TNFRSF10A: variants seen among roughly 807,000 people sequenced by gnomAD.
TNFRSF10A encodes the protein TNF receptor superfamily member 10a, also known as tumor necrosis factor receptor superfamily member 10A.
Under a neutral mutation model 42.8 loss-of-function variants are expected in TNFRSF10A, and 44 were observed. That is an observed-to-expected ratio of 1.03 (90% CI 0.81 to 1.32). The LOEUF (loss-of-function observed/expected upper bound fraction) is 1.32. Ranked by LOEUF, TNFRSF10A falls within the 40% of genes most tolerant of loss-of-function variation. The pLI, the probability that TNFRSF10A is intolerant of heterozygous loss-of-function variation, is 0.00. For missense variants in TNFRSF10A, 680 were observed against 602.0 expected (o/e 1.13, Z -1.36); for synonymous variants, 259 against 234.2 (o/e 1.11, Z -0.97).
chr8:23,196,360 A>G (rs1439537807), intron 9 of TNFRSF10A, among the ~76,000 whole-genome samples: 1 of 151,212 alleles, frequency 6.6e-6, no homozygotes, highest in Non-Finnish European at 1.5e-5. Context: ...CGCCTGGCTA[A>G]TTTTTTTTTG....
intron 1 of TNFRSF10A, 115 bp from the exon 2 acceptor site, chr8:23,212,327 C>T (rs1801103679): frequency 1.2e-6 from 1 of 867,294 alleles, no homozygotes; most frequent in Admixed American, 2.0e-5. Flanking sequence ...TTGCATCTTT[C>T]TCCCAGTTCT....
At chr8:23,195,925 G>A (rs1396687255) in intron 9 of TNFRSF10A, among the ~76,000 whole-genome samples, 1 of 152,116 alleles carries the variant, frequency 6.6e-6, no homozygotes, top group Non-Finnish European at 1.5e-5. Flanking sequence ...AATAGAAAGG[G>A]AGAACTGAAA....
chr8:23,194,036 G>A (rs998392062), intron 9 of TNFRSF10A, among the ~76,000 whole-genome samples: 2 of 152,126 alleles, frequency 1.3e-5, no homozygotes, highest in Non-Finnish European at 2.9e-5. Flanking sequence ...AAATCAAACT[G>A]CCATGGAAAC....
intron 1 of TNFRSF10A, among the ~76,000 whole-genome samples, chr8:23,215,402 A>G (rs4872084): frequency 0.71 from 107,177 of 151,788 alleles, 38,215 homozygotes; most frequent in East Asian, 1. Context: ...CAGCTACTCC[A>G]GAGGCTGAGG....
chr8:23,209,417 A>T (rs1394962115), intron 2 of TNFRSF10A, among the ~76,000 whole-genome samples: 3 of 152,190 alleles, frequency 2.0e-5, no homozygotes, highest in Non-Finnish European at 4.4e-5. Flanking sequence ...AACTGCTGAT[A>T]ACTTATACAC....
intron 4 of TNFRSF10A, 23 bp from the exon 5 acceptor site, chr8:23,200,783 G>GGA: frequency 6.4e-7 from 1 of 1,558,670 alleles, no homozygotes; most frequent in Middle Eastern, 1.8e-4. Flanking sequence ...AGGGAGGGAG[G>GGA]GGGGGGACTC....
rs149728406 is a variant in TNFRSF10A, at chr8:23,191,916, A to G, written c.1185T>C (p.Asp395=). ...RQLDLTKNEI[D]VVRAGTAGPG... ...GGCCTGCTGTACCAGCTCTGACCAC[A>G]TCGATCTCATTTTTCGTGAGGTCCA... Residue 395 remains aspartate, a synonymous_variant, in exon 10 of 10, where the codon GAT becomes GAC. Coordinates refer to ENST00000221132, the MANE Select transcript of TNFRSF10A (RefSeq NM_003844.4). The G allele has an allele frequency of 1.9e-4, 307 of 1,614,036 alleles. No individual in the cohort carries two copies. Among genetic ancestry groups the G allele is most frequent in the Non-Finnish European group, 3.7e-5 (44 of 1,180,030 alleles).
At position 23,199,371 on chromosome 8, in the gene TNFRSF10A, T is replaced by G. The variant is rs1800872728; in HGVS notation, c.909A>C (p.Ala303=). 1 of 1,614,090 alleles carries G rather than the reference T, an allele frequency of 6.2e-7. No homozygotes were observed. Among genetic ancestry groups the G allele is most frequent in the African/African-American group, 1.3e-5 (1 of 74,928 alleles). Residue 303 remains alanine (A), a synonymous_variant, in exon 8 of 10, where the codon GCA becomes GCC. Transcript: ENST00000221132. ...DNAHNEILSN[A]DSLSTFVSEQ... The stretch of plus-strand genomic sequence containing the variant: ...CAGAGACGAAAGTGGACAGCGAGTC[T>G]GCGTTGCTCAGAATCTCGTTGTGAG...
At chr8:23,215,254 C>T (rs1237417900) in intron 1 of TNFRSF10A, among the ~76,000 whole-genome samples, 2 of 152,158 alleles carry the variant, frequency 1.3e-5, no homozygotes, top group Admixed American at 6.5e-5. Flanking sequence ...CCGTGGCTCA[C>T]GCCTGTAATC....
At chr8:23,198,755 A>G (rs953115505) in intron 8 of TNFRSF10A, among the ~76,000 whole-genome samples, 3 of 152,148 alleles carry the variant, frequency 2.0e-5, no homozygotes, top group Admixed American at 6.6e-5. Context: ...ATGTGTGTAC[A>G]TGCATGTGTG....
intron 2 of TNFRSF10A, chr8:23,206,987 C>T: frequency 2.8e-6 from 1 of 361,520 alleles, no homozygotes; most frequent in South Asian, 2.8e-5. Context: ...GTTTTGAAGG[C>T]CAAGAAGGCA....
chr8:23,214,452 C>T (rs1801146803), intron 1 of TNFRSF10A, among the ~76,000 whole-genome samples: 1 of 151,064 alleles, frequency 6.6e-6, no homozygotes, highest in Admixed American at 6.6e-5. Context: ...TGTGCCACTG[C>T]ACTCCAGCCT....
rs574074549 is a variant in TNFRSF10A, at chr8:23,200,677, G to T, written c.703+10C>A. On this transcript the variant is annotated intron_variant, in intron 5 of 9. Coordinates refer to ENST00000221132, the MANE Select transcript of TNFRSF10A (RefSeq NM_003844.4). ...CTCTGCAGCTGGGGCTTCCCCAGTGGGCTTTGTACCTGATTCTTTGTGGAC... is the reference window on the plus strand; with the variant it reads ...CTCTGCAGCTGGGGCTTCCCCAGTGTGCTTTGTACCTGATTCTTTGTGGAC... 17 of 1,614,160 alleles carry T rather than the reference G, an allele frequency of 1.1e-5. No homozygotes were observed. The highest frequency in any genetic ancestry group is 5.0e-5 in the Admixed American group (3 of 60,018).
intron 1 of TNFRSF10A, among the ~76,000 whole-genome samples, chr8:23,221,864 G>T (rs1801260994): frequency 1.3e-5 from 2 of 151,384 alleles, no homozygotes; most frequent in Admixed American, 6.6e-5. Context: ...AGGGACACGG[G>T]CACGCTTGTG....
rs776497469 is a variant in TNFRSF10A at position 23,191,768 on chromosome 8, G to T, written c.1333C>A (p.Gln445Lys). 2.5e-6 allele frequency: 4 copies of T among 1,614,052 alleles called. No homozygotes were observed. The highest frequency in any genetic ancestry group is 3.4e-6 in the Non-Finnish European group (4 of 1,180,034). The change falls in exon 10 of 10, where the codon CAG becomes AAG. Residue 445 changes from glutamine to lysine, a missense_variant. Gln to Lys is a moderately conservative substitution (Grantham distance 53, BLOSUM62 1). Coordinates refer to ENST00000221132, the MANE Select transcript of TNFRSF10A (RefSeq NM_003844.4). ...MEERHAREKI[Q>K]DLLVDSGKFI... ...TTTCCAGAGTCCACCAAGAGGTCCTGAATCTTCTCTCTTGCATGTCTCTCT... is the reference window on the plus strand; with the variant it reads ...TTTCCAGAGTCCACCAAGAGGTCCTTAATCTTCTCTCTTGCATGTCTCTCT...
At chr8:23,204,972 G>T (rs1267323658) in intron 2 of TNFRSF10A, among the ~76,000 whole-genome samples, 1 of 151,960 alleles carries the variant, frequency 6.6e-6, no homozygotes, top group Non-Finnish European at 1.5e-5. Context: ...TAAGGAAGAA[G>T]AAATATCTCA....
chr8:23,195,937 C>T (rs1204829302), intron 9 of TNFRSF10A, among the ~76,000 whole-genome samples: 9 of 152,156 alleles, frequency 5.9e-5, no homozygotes, highest in African/African-American at 2.2e-4. Context: ...GAACTGAAAT[C>T]AACCCAATAT....
chr8:23,193,726 C>G (rs1413013830), intron 9 of TNFRSF10A, among the ~76,000 whole-genome samples: 1 of 152,204 alleles, frequency 6.6e-6, no homozygotes, highest in African/African-American at 2.4e-5. Flanking sequence ...CTGTTTCAGT[C>G]TGGACACTCT....
intron 4 of TNFRSF10A, 67 bp from the exon 5 acceptor site, chr8:23,200,827 G>A: frequency 1.4e-6 from 2 of 1,427,128 alleles, no homozygotes; most frequent in Non-Finnish European, 2.0e-6. Context: ...GATGAAAGAG[G>A]AGCCACTCTC....
Sources: allele counts gnomAD v4.1 joint callset (sites outside exome capture counted in the v4.1 genomes callset), GRCh38; gene constraint gnomAD v4.1.1; transcripts MANE v1.5; gene names NCBI Gene and HGNC (gene_info 2026-07-23, HGNC 2026-07-21).